The following MME variants were observed in gnomAD, a reference collection of about 807,000 sequenced individuals.
The protein encoded by MME is neprilysin.
MME carries 98 observed loss-of-function variants against 113.2 expected under a neutral mutation model. The ratio of observed to expected loss-of-function variants is 0.87; its 90% confidence interval spans 0.74 to 1.02. The LOEUF (loss-of-function observed/expected upper bound fraction) is 1.02, where lower values mean the gene tolerates loss of function less well. Among genes scored for constraint, MME ranks in the 50% least tolerant of loss-of-function variants. The pLI is 0.00. For synonymous variants in MME, 292 were observed against 300.6 expected (o/e 0.97, Z 0.30); for missense variants, 836 against 896.0 (o/e 0.93, Z 0.86).
intron 1 of MME, among the ~76,000 whole-genome samples, chr3:155,047,835 A>G (rs1713613341): frequency 6.6e-6 from 1 of 152,164 alleles, no homozygotes; most frequent in Non-Finnish European, 1.5e-5. Context: ...AGTCCGATTC[A>G]GGCAGTATGA....
intron 20 of MME, among the ~76,000 whole-genome samples, chr3:155,171,807 C>T (rs545777374): frequency 6.6e-6 from 1 of 152,276 alleles, no homozygotes; most frequent in African/African-American, 2.4e-5. Flanking sequence ...ATTTATAAAA[C>T]AACATTTAGA....
At position 155,140,277 on chromosome 3, in the gene MME, A is replaced by G. The variant is rs888208425; in HGVS notation, c.942A>G (p.Leu314=). ...CCCAGATCCAAAATAACTTTTCACT[A>G]GAGATCAATGGGAAGGTAAGTGGTA... ...TLAQIQNNFS[L]EINGKPFSWL... The change falls in exon 10 of 23, where the codon CTA becomes CTG. Residue 314 remains leucine, a synonymous_variant. Coordinates refer to ENST00000360490, the MANE Select transcript of MME (RefSeq NM_007289.4). The G allele has an allele frequency of 1.9e-6, 3 of 1,606,756 alleles. No homozygotes were observed. Among genetic ancestry groups the G allele is most frequent in the Admixed American group, 3.3e-5 (2 of 59,948 alleles).
At chr3:155,157,234 G>T (rs1023089856) in intron 16 of MME, among the ~76,000 whole-genome samples, 3 of 152,016 alleles carry the variant, frequency 2.0e-5, no homozygotes, top group African/African-American at 7.2e-5. Context: ...CTTCCTTCCT[G>T]CTTCCCCACT....
chr3:155,063,359 ATTTAT>A (rs1212277992), intron 1 of MME, among the ~76,000 whole-genome samples: 2 of 104,826 alleles, frequency 1.9e-5, no homozygotes, highest in Middle Eastern at 8.2e-3. Flanking sequence ...TGTATATTAT[ATTTAT>A]ATATATTTAT....
rs764873822 is a variant in MME, at chr3:155,144,415, C to T, written c.1374C>T (p.Leu458=). The change falls in exon 14 of 23, where the codon CTC becomes CTT. Residue 458 remains leucine (L), a synonymous_variant. Coordinates refer to ENST00000360490, the MANE Select transcript of MME (RefSeq NM_007289.4). Reference sequence around the variant, plus strand: ...TTTTTATTCAGACTTTAGATGACCTCACTTGGATGGATGCCGAGACAAAAA... The same window carrying T: ...TTTTTATTCAGACTTTAGATGACCTTACTTGGATGGATGCCGAGACAAAAA... ...REVFIQTLDD[L]TWMDAETKKR... The T allele has an allele frequency of 3.1e-6, 5 of 1,612,908 alleles. No homozygotes were observed. In the African/African-American group the frequency reaches 6.7e-5, roughly 22 times the overall value.
intron 1 of MME, chr3:155,083,576 T>C (rs989692): frequency 0.53 from 82,382 of 156,450 alleles, 22,381 homozygotes; most frequent in East Asian, 0.79. Context: ...GTATCAGTAG[T>C]AGTAGTAATT....
rs778011002 is a variant in MME, at chr3:155,168,765, G to A, written c.1948G>A (p.Ala650Thr). 8.1e-6 allele frequency: 13 copies of A among 1,613,194 alleles called. No homozygotes were observed. The highest frequency in any genetic ancestry group is 1.1e-5 in the Non-Finnish European group (13 of 1,179,466). ...AATTAATACACTGGGAGAAAACATT[G>A]CTGATAATGGAGGTCTTGGTCAAGC... is the stretch of plus-strand genomic sequence containing the variant. Reference protein sequence around the residue: ...NGINTLGENIADNGGLGQAYR... With the variant: ...NGINTLGENITDNGGLGQAYR... The change falls in exon 20 of 23, where the codon GCT (alanine) becomes ACT (threonine). Residue 650 changes from alanine (A) to threonine (T), a missense_variant. By Grantham distance (58) the Ala-to-Thr change is moderately conservative. Coordinates refer to ENST00000360490, the MANE Select transcript of MME (RefSeq NM_007289.4).
At chr3:155,171,766 A>G (rs1181476186) in intron 20 of MME, among the ~76,000 whole-genome samples, 1 of 152,158 alleles carries the variant, frequency 6.6e-6, no homozygotes, top group Non-Finnish European at 1.5e-5. Flanking sequence ...TTCCTTGGCA[A>G]TTCATTTGTC....
chr3:155,034,147 G>A (rs374871044), intron 1 of MME, among the ~76,000 whole-genome samples: 54 of 152,230 alleles, frequency 3.5e-4, no homozygotes, highest in African/African-American at 1.3e-3. Context: ...TTGAAGACCT[G>A]ATCTGTATAC....
At chr3:155,171,289 T>G (rs1463327518) in intron 20 of MME, among the ~76,000 whole-genome samples, 1 of 152,156 alleles carries the variant, frequency 6.6e-6, no homozygotes, top group Admixed American at 6.6e-5. Flanking sequence ...GTGCAAGCCT[T>G]TCCCATATCC....
chr3:155,145,793 T>C (rs1023500809), intron 14 of MME, among the ~76,000 whole-genome samples: 3 of 152,188 alleles, frequency 2.0e-5, no homozygotes, highest in Non-Finnish European at 4.4e-5. Context: ...TCTGTAGAAT[T>C]TGTATCCTTT....
chr3:155,063,430 ATAT>A (rs796244172), intron 1 of MME, among the ~76,000 whole-genome samples: 20 of 102,772 alleles, frequency 1.9e-4, no homozygotes, highest in East Asian at 5.0e-4. Context: ...CATAATAAAA[ATAT>A]TATATATTTT....
In MME at chr3:155,088,581, G is replaced by A. The variant is rs559684590; in HGVS notation, c.196+3487G>A. Among the ~76,000 whole-genome samples the A allele has an allele frequency of 4.7e-4, 72 of 151,836 alleles. 1 individual carries two copies. The highest frequency in any genetic ancestry group is 1.5e-3 in the African/African-American group (64 of 41,424). ...GCCTGTAATTCCAGCTACTCAGGAG[G>A]CTGAGGCAGGAGAATTGCTTGAACC... On this transcript the variant is annotated intron_variant, in intron 3 of 22. Coordinates refer to ENST00000360490, the MANE Select transcript of MME (RefSeq NM_007289.4).
intron 22 of MME, among the ~76,000 whole-genome samples, chr3:155,173,172 A>C (rs909363954): frequency 3.9e-5 from 6 of 152,042 alleles, no homozygotes; most frequent in African/African-American, 1.4e-4. Context: ...AATCAAAGAG[A>C]ACAATGATTG....
intron 3 of MME, among the ~76,000 whole-genome samples, chr3:155,110,380 T>C (rs778260023): frequency 6.6e-6 from 1 of 152,210 alleles, no homozygotes; most frequent in Non-Finnish European, 1.5e-5. Context: ...AACTGGTCTG[T>C]CTGGGTTAAA....
At chr3:155,046,963 A>C (rs1410373319) in intron 1 of MME, among the ~76,000 whole-genome samples, 1 of 152,192 alleles carries the variant, frequency 6.6e-6, no homozygotes, top group Non-Finnish European at 1.5e-5. Context: ...AAAGTTTATA[A>C]AGTAGAAAAG....
chr3:155,031,309 G>A (rs1712962668), intron 1 of MME, among the ~76,000 whole-genome samples: 1 of 152,050 alleles, frequency 6.6e-6, no homozygotes, highest in Non-Finnish European at 1.5e-5. Context: ...TTTTCATTCT[G>A]TAGCAACTCT....
In MME at chr3:155,124,222, G is replaced by A. The variant is rs1264612880; in HGVS notation, c.720+5411G>A. Among the ~76,000 whole-genome samples, 10 of 151,720 alleles carry A rather than the reference G, an allele frequency of 6.6e-5. No homozygotes were observed. The East Asian group carries it at 1.9e-3, about 29-fold the overall frequency. ...CCAGTTGATCGCATCAGCTCCTGAG[G>A]CTTCTGCATTCTTCACGTAGTTCTC... On this transcript the variant is annotated intron_variant, in intron 8 of 22. Coordinates refer to ENST00000360490, the MANE Select transcript of MME (RefSeq NM_007289.4).
chr3:155,079,064 G>C (rs1372274727), upstream of MME, among the ~76,000 whole-genome samples: 1 of 152,102 alleles, frequency 6.6e-6, no homozygotes, highest in Admixed American at 6.6e-5. Context: ...GAAGTCAGGA[G>C]GTGGGAGCGG....
Sources: gnomAD v4.1 joint callset for allele counts (sites outside exome capture counted in the v4.1 genomes callset) on GRCh38, gnomAD v4.1.1 for gene constraint, MANE v1.5 for transcripts, NCBI Gene and HGNC (gene_info 2026-07-23, HGNC 2026-07-21) for gene names.